ELF2: variants seen among roughly 807,000 people sequenced by gnomAD.
ELF2 encodes the protein E74 like ETS transcription factor 2.
In ELF2, 11 loss-of-function variants were observed where a neutral mutation model predicts 54.8. That is an observed-to-expected ratio of 0.20 (90% CI 0.13 to 0.33). ELF2 has a LOEUF of 0.33. Among genes scored for constraint, ELF2 ranks in the 10% least tolerant of loss-of-function variants. The pLI, the probability that ELF2 is intolerant of heterozygous loss-of-function variation, is 1.00. For missense variants in ELF2, 513 were observed against 703.0 expected (o/e 0.73, Z 3.06); for synonymous variants, 203 against 245.1 (o/e 0.83, Z 1.61).
chr4:139,166,274 C>A (rs1383502752), intron 1 of ELF2, among the ~76,000 whole-genome samples: 1 of 152,166 alleles, frequency 6.6e-6, no homozygotes, highest in Non-Finnish European at 1.5e-5. Flanking sequence ...GTAATCCCAG[C>A]TGCTTGGGAA....
intron 6 of ELF2, among the ~76,000 whole-genome samples, chr4:139,068,335 T>C (rs183568330): frequency 3.9e-5 from 6 of 152,330 alleles, no homozygotes; most frequent in Admixed American, 1.3e-4. Flanking sequence ...ATCTTTTATA[T>C]TAGTGTAGCA....
At chr4:139,148,349 T>TTTTTTA (rs1739480883) in intron 1 of ELF2, among the ~76,000 whole-genome samples, 1 of 120,300 alleles carries the variant, frequency 8.3e-6, no homozygotes, top group Non-Finnish European at 1.7e-5. Flanking sequence ...TTTTTTTTTG[T>TTTTTTA]AGAGACAGGG....
intron 3 of ELF2, among the ~76,000 whole-genome samples, chr4:139,128,259 G>C (rs1737133739): frequency 7.0e-6 from 1 of 143,386 alleles, no homozygotes; most frequent in African/African-American, 2.7e-5. Context: ...TGGCAACTGA[G>C]AACAAGTCTC....
In ELF2 at chr4:139,116,711, G is replaced by A. The variant is rs1037700971; in HGVS notation, c.238+8453C>T. On this transcript the variant is annotated intron_variant, in intron 4 of 9. Coordinates refer to ENST00000686138, the MANE Select transcript of ELF2 (RefSeq NM_001331036.3). The stretch of plus-strand genomic sequence containing the variant: ...TCAGGTAATCCTAGGATAGGGGCTC[G>A]TTTTCAGATCCCCAGTTTTTCATGT... 41 of 985,224 alleles carry A rather than the reference G, an allele frequency of 4.2e-5. 1 individual carries two copies. The African/African-American group carries it at 4.4e-4, about 11-fold the overall frequency. 61.0% of individuals were successfully genotyped at this position (985,224 alleles called of 1,614,324 possible). A position where few individuals can be genotyped will look rare whatever the true frequency, so the allele number is the denominator to read the frequency against.
chr4:139,082,926 GCTGCAGCAGTGGCGCCGCACATCCCC>G (rs1731327591), intron 4 of ELF2, among the ~76,000 whole-genome samples: 1 of 152,166 alleles, frequency 6.6e-6, no homozygotes, highest in African/African-American at 2.4e-5. Flanking sequence ...GTGCCCTTCC[GCTGCAGCAGTGGCGCCGCACATCCCC>G]CACCCCTGCG....
chr4:139,059,634 A>G (rs1560746594), intron 9 of ELF2, 27 bp from the exon 10 acceptor site: 3 of 1,584,194 alleles, frequency 1.9e-6, no homozygotes, highest in Non-Finnish European at 2.6e-6. Flanking sequence ...AAAAAAGCTG[A>G]TTATATTTAA....
chr4:139,158,053 G>C (rs752918759), intron 1 of ELF2, among the ~76,000 whole-genome samples: 1 of 152,172 alleles, frequency 6.6e-6, no homozygotes, highest in Non-Finnish European at 1.5e-5. Flanking sequence ...GGGTGCAGGC[G>C]GGCTGAGTCC....
chr4:139,118,707 C>A, intron 4 of ELF2, among the ~76,000 whole-genome samples: 1 of 149,592 alleles, frequency 6.7e-6, no homozygotes. Context: ...TAAGTGGAAG[C>A]AAAAGGAAGG....
intron 4 of ELF2, among the ~76,000 whole-genome samples, chr4:139,109,441 AGT>A (rs1430223844): frequency 2.0e-5 from 3 of 152,214 alleles, no homozygotes; most frequent in East Asian, 1.9e-4. Context: ...ACTGTGCCAA[AGT>A]AGTACTAACA....
intron 6 of ELF2, among the ~76,000 whole-genome samples, chr4:139,070,258 T>C (rs1207098948): frequency 6.6e-6 from 1 of 152,064 alleles, no homozygotes; most frequent in Non-Finnish European, 1.5e-5. Flanking sequence ...ACATGGCCCC[T>C]GTTTTTCATG....
At chr4:139,139,979 G>A (rs1738548972) in intron 1 of ELF2, among the ~76,000 whole-genome samples, 1 of 152,126 alleles carries the variant, frequency 6.6e-6, no homozygotes, top group African/African-American at 2.4e-5. Flanking sequence ...ACCAAGGCTG[G>A]ATCGCAGTGG....
intron 1 of ELF2, among the ~76,000 whole-genome samples, chr4:139,143,437 C>G (rs998385295): frequency 5.3e-5 from 8 of 152,134 alleles, no homozygotes; most frequent in African/African-American, 1.9e-4. Context: ...ACTTAAAAGG[C>G]CAGCAAACCC....
chr4:139,068,343 G>C (rs1277862018), intron 6 of ELF2, among the ~76,000 whole-genome samples: 1 of 152,154 alleles, frequency 6.6e-6, no homozygotes, highest in East Asian at 1.9e-4. Context: ...TATTAGTGTA[G>C]CAATAGAAAC....
intron 3 of ELF2, among the ~76,000 whole-genome samples, chr4:139,130,234 A>G (rs559302626): frequency 6.7e-6 from 1 of 149,648 alleles, no homozygotes; most frequent in Non-Finnish European, 1.5e-5. Context: ...AAAAACAAAC[A>G]ACAATAAAAA....
intron 1 of ELF2, among the ~76,000 whole-genome samples, chr4:139,164,155 GAA>G (rs1467966513): frequency 1.4e-5 from 2 of 142,972 alleles, no homozygotes; most frequent in Admixed American, 7.3e-5. Context: ...GAGAAAGAAA[GAA>G]AGAAGGAAAA....
chr4:139,164,196 G>A (rs2148905975), intron 1 of ELF2, among the ~76,000 whole-genome samples: 2 of 133,782 alleles, frequency 1.5e-5, no homozygotes, highest in Non-Finnish European at 3.2e-5. Flanking sequence ...GAGATGAAAA[G>A]AAAGAGAAAG....
intron 4 of ELF2, chr4:139,118,011 C>T (rs1735928796): frequency 1.1e-5 from 1 of 93,594 alleles, no homozygotes; most frequent in Non-Finnish European, 2.5e-5. Context: ...TGGATACCAA[C>T]TGTGATTTTT....
At chr4:139,123,065 T>G (rs1736548169) in intron 4 of ELF2, among the ~76,000 whole-genome samples, 1 of 151,400 alleles carries the variant, frequency 6.6e-6, no homozygotes, top group Non-Finnish European at 1.5e-5. Flanking sequence ...GCACCTGTAG[T>G]CCCAGCTACT....
In ELF2 at chr4:139,115,406, G is replaced by T. The variant is rs1401691705; in HGVS notation, c.238+9758C>A. ...CGCCGGGGCCACGTGCGCGCATCGG[G>T]CCCCTCCCTGCGCCACCGCCTCCGG... On this transcript the variant is annotated intron_variant, in intron 4 of 9. Transcript: ENST00000686138. 3 of 997,694 alleles carry T rather than the reference G, an allele frequency of 3.0e-6. No individual in the cohort carries two copies. The African/African-American group carries it at 5.3e-5, about 18-fold the overall frequency. 61.8% of individuals were successfully genotyped at this position (997,694 alleles called of 1,614,324 possible).
Sources: allele counts gnomAD v4.1 joint callset (sites outside exome capture counted in the v4.1 genomes callset), GRCh38; gene constraint gnomAD v4.1.1; transcripts MANE v1.5; gene names NCBI Gene and HGNC (gene_info 2026-07-23, HGNC 2026-07-21).